HIF1A: variants seen among roughly 807,000 people sequenced by gnomAD.
The protein encoded by HIF1A is hypoxia-inducible factor 1-alpha.
Under a neutral mutation model 92.7 loss-of-function variants are expected in HIF1A, and 24 were observed. The observed-to-expected ratio is 0.26, with a 90% CI of 0.19 to 0.36. The LOEUF is 0.36. Among genes scored for constraint, HIF1A ranks in the 10% least tolerant of loss-of-function variants. The pLI is 1.00. For synonymous variants in HIF1A, 319 were observed against 338.7 expected (o/e 0.94, Z 0.64); for missense variants, 799 against 998.5 (o/e 0.80, Z 2.69).
At chr14:61,728,730 T>C (rs550363525) in intron 6 of HIF1A, among the ~76,000 whole-genome samples, 1 of 152,320 alleles carries the variant, frequency 6.6e-6, no homozygotes, top group East Asian at 1.9e-4. Context: ...CATTAGCTCA[T>C]TATTACTCTT....
At chr14:61,710,924 G>T (rs1566562965) in intron 1 of HIF1A, among the ~76,000 whole-genome samples, 1 of 151,938 alleles carries the variant, frequency 6.6e-6, no homozygotes, top group Non-Finnish European at 1.5e-5. Context: ...GCCGGGTGTG[G>T]TGGCAGGCGC....
At chr14:61,743,197 G>A (rs1333635479) in intron 12 of HIF1A, among the ~76,000 whole-genome samples, 4 of 151,832 alleles carry the variant, frequency 2.6e-5, no homozygotes, top group Non-Finnish European at 4.4e-5. Context: ...TCAGCCTCCC[G>A]AGTAGCTGGG....
At chr14:61,736,338 T>A (rs11621525) in intron 8 of HIF1A, among the ~76,000 whole-genome samples, 40,454 of 151,926 alleles carry the variant, frequency 0.27, 6,842 homozygotes, top group African/African-American at 0.47. Context: ...ATTTTTTTTT[T>A]AATTTCAACT....
At chr14:61,743,631 A>G (rs2140159895) in intron 12 of HIF1A, among the ~76,000 whole-genome samples, 1 of 152,336 alleles carries the variant, frequency 6.6e-6, no homozygotes, top group South Asian at 2.1e-4. Flanking sequence ...AAGATCACTT[A>G]CCTATTTGGC....
At chr14:61,738,801 C>T (rs1467086306) in intron 10 of HIF1A, among the ~76,000 whole-genome samples, 1 of 152,180 alleles carries the variant, frequency 6.6e-6, no homozygotes, top group Non-Finnish European at 1.5e-5. Context: ...GGCTGGAGTG[C>T]AGTGGTGCAA....
chr14:61,741,285 G>A, intron 12 of HIF1A, 97 bp downstream of exon 12: 2 of 833,632 alleles, frequency 2.4e-6, no homozygotes, highest in Non-Finnish European at 3.7e-6. Context: ...CAAACTTTCT[G>A]ATATATATGC....
chr14:61,724,349 T>TTCTCTCCCTCTC (rs2044472677), intron 4 of HIF1A, among the ~76,000 whole-genome samples: 1 of 96,096 alleles, frequency 1.0e-5, no homozygotes, highest in Non-Finnish European at 2.1e-5. Context: ...CACACACACA[T>TTCTCTCCCTCTC]TCTCTCTCTC....
In HIF1A at chr14:61,736,876, C is replaced by T. The variant is rs767695673; in HGVS notation, c.1029-13C>T. ...GCTCATTTGTGAATTACCAATTTCTCTTGTTTTGACAGTGGTATTATTCAG... is the reference window on the plus strand; with the variant it reads ...GCTCATTTGTGAATTACCAATTTCTTTTGTTTTGACAGTGGTATTATTCAG... On this transcript the variant is annotated splice_polypyrimidine_tract_variant and intron_variant, in intron 8 of 14. Transcript: ENST00000337138. 2 of 1,580,714 alleles carry T rather than the reference C, an allele frequency of 1.3e-6. No individual in the cohort carries two copies. Among genetic ancestry groups the T allele is most frequent in the Non-Finnish European group, 1.7e-6 (2 of 1,150,320 alleles).
intron 1 of HIF1A, among the ~76,000 whole-genome samples, chr14:61,706,383 C>T (rs919257696): frequency 3.3e-5 from 5 of 152,272 alleles, no homozygotes; most frequent in South Asian, 2.1e-4. Context: ...CATGCACTTA[C>T]GTGTTTAAGG....
chr14:61,736,038 T>G (rs1594882577), intron 8 of HIF1A, among the ~76,000 whole-genome samples: 1 of 149,000 alleles, frequency 6.7e-6, no homozygotes, highest in Admixed American at 6.8e-5. Context: ...CAGGCTGGAG[T>G]GCAGTGGCGT....
At chr14:61,702,023 T>G (rs950527972) in intron 1 of HIF1A, among the ~76,000 whole-genome samples, 4 of 152,052 alleles carry the variant, frequency 2.6e-5, no homozygotes, top group Non-Finnish European at 5.9e-5. Context: ...GTGTGAATAC[T>G]GGTACGTGGT....
chr14:61,718,475 C>T (rs984629080), intron 1 of HIF1A, among the ~76,000 whole-genome samples: 1 of 148,708 alleles, frequency 6.7e-6, no homozygotes, highest in Non-Finnish European at 1.5e-5. Context: ...TGCTAGATAC[C>T]CCCCCATCCT....
chr14:61,700,332 C>A (rs1386293223), intron 1 of HIF1A, among the ~76,000 whole-genome samples: 1 of 152,258 alleles, frequency 6.6e-6, no homozygotes, highest in East Asian at 1.9e-4. Flanking sequence ...CCTCTGGCAA[C>A]CACCATTTTA....
At chr14:61,695,914 C>T (rs1216367948) in intron 1 of HIF1A, 75 bp downstream of exon 1, 4 of 1,392,616 alleles carry the variant, frequency 2.9e-6, no homozygotes, top group Admixed American at 2.0e-5. Flanking sequence ...GCTCCTGGGC[C>T]GGCCTCGGCG....
At chr14:61,745,379 GGCCACTGCACTCCA>G (rs2044767345) in intron 13 of HIF1A, among the ~76,000 whole-genome samples, 1 of 152,094 alleles carries the variant, frequency 6.6e-6, no homozygotes, top group Non-Finnish European at 1.5e-5. Flanking sequence ...GCTGAGATCA[GGCCACTGCACTCCA>G]GCCTGGGTAA....
At chr14:61,701,135 T>C (rs895522206) in intron 1 of HIF1A, among the ~76,000 whole-genome samples, 11 of 152,234 alleles carry the variant, frequency 7.2e-5, no homozygotes, top group African/African-American at 2.7e-4. Context: ...ATAATTGAAA[T>C]AATGTATTTT....
intron 1 of HIF1A, among the ~76,000 whole-genome samples, chr14:61,714,791 T>C (rs551103417): frequency 1.5e-4 from 23 of 152,274 alleles, no homozygotes; most frequent in Middle Eastern, 3.4e-3. Context: ...CCGAACACTT[T>C]GGGAGGCCAA....
At chr14:61,729,486 A>AAAAAAC (rs1566571569) in intron 6 of HIF1A, among the ~76,000 whole-genome samples, 3 of 147,844 alleles carry the variant, frequency 2.0e-5, no homozygotes. Flanking sequence ...AAACAAAAAA[A>AAAAAAC]AGACCTCAGA....
At chr14:61,740,332 T>C in intron 10 of HIF1A, 173 bp from the exon 11 acceptor site, 1 of 467,660 alleles carries the variant, frequency 2.1e-6, no homozygotes, top group East Asian at 3.7e-5. Context: ...CCCAAAGTGC[T>C]GGGATTACAG....
Sources: gnomAD v4.1 joint callset for allele counts (sites outside exome capture counted in the v4.1 genomes callset) on GRCh38, gnomAD v4.1.1 for gene constraint, MANE v1.5 for transcripts, NCBI Gene and HGNC (gene_info 2026-07-23, HGNC 2026-07-21) for gene names.